The following ZMYM6 variants were observed in gnomAD, a reference collection of about 807,000 sequenced individuals.
ZMYM6 encodes the protein zinc finger MYM-type protein 6.
In ZMYM6, 90 loss-of-function variants were observed where a neutral mutation model predicts 134.0. That is an observed-to-expected ratio of 0.67 (90% CI 0.57 to 0.80). The LOEUF (loss-of-function observed/expected upper bound fraction) is 0.80, where lower values mean the gene tolerates loss of function less well. Ranked by LOEUF, ZMYM6 falls within the 30% of genes least tolerant of loss-of-function variation. The pLI, the probability that ZMYM6 is intolerant of heterozygous loss-of-function variation, is 0.00. For missense variants in ZMYM6, 1,362 were observed against 1,533.9 expected (o/e 0.89, Z 1.87); for synonymous variants, 481 against 524.1 (o/e 0.92, Z 1.12).
At chr1:35,026,003 T>C (rs138762784) in intron 2 of ZMYM6, among the ~76,000 whole-genome samples, 96 of 152,250 alleles carry the variant, frequency 6.3e-4, no homozygotes, top group Non-Finnish European at 1.2e-3. Flanking sequence ...ACTCAACATA[T>C]ATGAATATAA....
chr1:35,016,566 G>C (rs747849708), intron 4 of ZMYM6, among the ~76,000 whole-genome samples: 1 of 152,166 alleles, frequency 6.6e-6, no homozygotes, highest in Non-Finnish European at 1.5e-5. Context: ...ATAAACACTA[G>C]TGCAGGCCAC....
At chr1:34,991,291 A>G (rs979376821) in intron 15 of ZMYM6, among the ~76,000 whole-genome samples, 2 of 152,184 alleles carry the variant, frequency 1.3e-5, no homozygotes, top group East Asian at 1.9e-4. Flanking sequence ...ACGTGTATAT[A>G]ATATAAATTC....
chr1:34,995,977 A>G (rs1263897223), intron 14 of ZMYM6, among the ~76,000 whole-genome samples: 2 of 152,210 alleles, frequency 1.3e-5, no homozygotes, highest in Admixed American at 1.3e-4. Flanking sequence ...TAAATGTACC[A>G]TAAGTAATCT....
rs145287640 is a variant in ZMYM6 at position 34,987,110 on chromosome 1, T to C, written c.3972A>G (p.Lys1324=). Residue 1324 remains lysine, a synonymous_variant, in exon 16 of 16, where the codon AAA becomes AAG. Coordinates refer to ENST00000357182, the MANE Select transcript of ZMYM6 (RefSeq NM_007167.4). ...TTAAGCAATGTGCATATTGCTACTC[T>C]TTCTCCTTCACTAATTTTTCTATCC... The part of the protein sequence containing the change: ...IPRIEKLVKE[K]E 2.5e-4 allele frequency: 391 copies of C among 1,556,226 alleles called. No homozygotes were observed. The African/African-American group carries it at 4.8e-3, about 19-fold the overall frequency.
chr1:35,020,868 GC>G (rs1427702467), intron 2 of ZMYM6, among the ~76,000 whole-genome samples: 2 of 151,816 alleles, frequency 1.3e-5, no homozygotes, highest in Admixed American at 1.3e-4. Context: ...ACCACACCCG[GC>G]CCTATTCATC....
intron 14 of ZMYM6, among the ~76,000 whole-genome samples, chr1:34,996,996 A>G (rs1355137151): frequency 2.0e-5 from 3 of 152,220 alleles, no homozygotes; most frequent in Non-Finnish European, 4.4e-5. Context: ...TACATGCTTC[A>G]TTTCATAAAT....
chr1:35,020,536 G>C, intron 2 of ZMYM6, 69 bp from the exon 3 acceptor site: 249 of 714,800 alleles, frequency 3.5e-4, no homozygotes, highest in Middle Eastern at 8.4e-4. Flanking sequence ...AGAAATTCAA[G>C]CAAAAAAAAA....
chr1:34,992,705 C>CTATAAATATAAAAATATAT (rs1640701832), intron 14 of ZMYM6, among the ~76,000 whole-genome samples: 1 of 98,050 alleles, frequency 1.0e-5, no homozygotes, highest in African/African-American at 8.1e-5. Context: ...TAAAAATATA[C>CTATAAATATAAAAATATAT]TTATAAACTA....
rs575303957 is a variant in ZMYM6 at position 35,012,621 on chromosome 1, T to C, written c.796-40A>G. The C allele has an allele frequency of 5.0e-6, 8 of 1,586,684 alleles. No individual in the cohort carries two copies. The African/African-American group carries it at 6.8e-5, about 14-fold the overall frequency. ...TAACATTAGATACCTAGTACAAACA[T>C]ACATATTTACATATTGTTCAAAAAA... On this transcript the variant is annotated intron_variant, in intron 6 of 15. Transcript: ENST00000357182.
At chr1:35,020,217 T>C (rs182821152) in intron 3 of ZMYM6, among the ~76,000 whole-genome samples, 166 bp downstream of exon 3, 1 of 152,344 alleles carries the variant, frequency 6.6e-6, no homozygotes, top group African/African-American at 2.4e-5. Context: ...TCTGATATAA[T>C]CTTACTCTAT....
chr1:35,004,440 T>C (rs945982418), intron 13 of ZMYM6, among the ~76,000 whole-genome samples: 6 of 151,976 alleles, frequency 3.9e-5, no homozygotes, highest in African/African-American at 1.4e-4. Context: ...TGAAACCGCA[T>C]CTCTACCAAA....
intron 2 of ZMYM6, among the ~76,000 whole-genome samples, chr1:35,023,109 C>A (rs1557587368): frequency 4.1e-5 from 6 of 147,420 alleles, no homozygotes. Context: ...AATGCTAGTT[C>A]TTTTTTTTTT....
chr1:35,020,497 G>C, intron 2 of ZMYM6, 30 bp from the exon 3 acceptor site: 1 of 1,516,632 alleles, frequency 6.6e-7, no homozygotes, highest in Non-Finnish European at 8.9e-7. Flanking sequence ...AGAGAAAAGA[G>C]CAATGAATAC....
chr1:34,990,927 C>T lies in ZMYM6; in HGVS notation c.2146+1307G>A, dbSNP rs1452315774. 2.6e-5 allele frequency among the ~76,000 whole-genome samples: 4 copies of T among 152,284 alleles called. No individual in the cohort carries two copies. The South Asian group carries it at 8.3e-4, about 32-fold the overall frequency. ...TTGCCCAGGTTGGAGCACAATGGCG[C>T]GATCTCAGCTCACCGCAACCTCTAC... On this transcript the variant is annotated intron_variant, in intron 15 of 15. Transcript: ENST00000357182.
At chr1:35,007,950 G>A (rs899966943) in intron 11 of ZMYM6, among the ~76,000 whole-genome samples, 4 of 152,090 alleles carry the variant, frequency 2.6e-5, no homozygotes, top group Non-Finnish European at 5.9e-5. Flanking sequence ...GATATAATAT[G>A]GGCTTTGGAG....
At chr1:34,994,020 A>C (rs1640732491) in intron 14 of ZMYM6, among the ~76,000 whole-genome samples, 1 of 150,606 alleles carries the variant, frequency 6.6e-6, no homozygotes, top group African/African-American at 2.5e-5. Context: ...AAAAAAAAAA[A>C]CTTCTGTAAA....
intron 4 of ZMYM6, 170 bp downstream of exon 4, chr1:35,019,183 A>T: frequency 1.1e-6 from 1 of 916,166 alleles, no homozygotes; most frequent in Non-Finnish European, 1.6e-6. Context: ...ACACCAAGTC[A>T]CTTATTTAAT....
chr1:34,999,164 G>A (rs1432456352), intron 14 of ZMYM6, among the ~76,000 whole-genome samples: 1 of 152,154 alleles, frequency 6.6e-6, no homozygotes, highest in African/African-American at 2.4e-5. Flanking sequence ...TGTAGACTGA[G>A]AAAAGGGCCA....
At chr1:35,026,017 C>T (rs1281898102) in intron 2 of ZMYM6, among the ~76,000 whole-genome samples, 1 of 152,092 alleles carries the variant, frequency 6.6e-6, no homozygotes, top group Non-Finnish European at 1.5e-5. Flanking sequence ...AATATAAGGA[C>T]TAAACTGCAA....
Sources: gnomAD v4.1 joint callset for allele counts (sites outside exome capture counted in the v4.1 genomes callset) on GRCh38, gnomAD v4.1.1 for gene constraint, MANE v1.5 for transcripts, NCBI Gene and HGNC (gene_info 2026-07-23, HGNC 2026-07-21) for gene names.